Variants in RIMS2 observed in about 807,000 individuals in gnomAD.
RIMS2 encodes the protein regulating synaptic membrane exocytosis protein 2.
RIMS2 carries 59 observed loss-of-function variants against 174.4 expected under a neutral mutation model. That is an observed-to-expected ratio of 0.34 (90% CI 0.27 to 0.42). RIMS2 has a LOEUF of 0.42. RIMS2 is among the 10% of genes least tolerant of loss of function. The probability of loss-of-function intolerance (pLI) is 1.00; values close to 1 mark genes in which losing one functional copy is unlikely to be tolerated. For missense variants in RIMS2, 1,620 were observed against 1,666.3 expected (o/e 0.97, Z 0.48); for synonymous variants, 606 against 572.5 (o/e 1.06, Z -0.84).
At chr8:103,644,354 A>C (rs1349794773) in intron 1 of RIMS2, among the ~76,000 whole-genome samples, 1 of 151,404 alleles carries the variant, frequency 6.6e-6, no homozygotes, top group Non-Finnish European at 1.5e-5. Flanking sequence ...TGACGCTAAC[A>C]AGAGTTGTTG....
chr8:103,622,623 C>T lies in RIMS2; in HGVS notation c.177-74463C>T, dbSNP rs541185550. On this transcript the variant is annotated intron_variant, in intron 1 of 23. Coordinates refer to ENST00000504942, the Ensembl canonical transcript of RIMS2. ...ATCTCATACATACAGATGCACATTC[C>T]GTTTTCAAAGTCCTCAAGAAAAGGG... is the stretch of plus-strand genomic sequence containing the variant. Among the ~76,000 whole-genome samples, 61 of 152,254 alleles carry T rather than the reference C, an allele frequency of 4.0e-4. No individual in the cohort carries two copies. In the South Asian group the frequency reaches 0.012, roughly 30 times the overall value.
At chr8:103,729,620 A>C (rs1340024815) in intron 2 of RIMS2, among the ~76,000 whole-genome samples, 1 of 151,166 alleles carries the variant, frequency 6.6e-6, no homozygotes, top group African/African-American at 2.4e-5. Flanking sequence ...TTGGTTTTCT[A>C]GTTCTTTAAG....
chr8:103,983,202 C>A (rs1297876178), intron 16 of RIMS2, among the ~76,000 whole-genome samples: 1 of 152,132 alleles, frequency 6.6e-6, no homozygotes, highest in East Asian at 1.9e-4. Context: ...AATGAAAGAT[C>A]TCTACAATGA....
At chr8:104,169,685 C>T (rs1205984425) in intron 19 of RIMS2, among the ~76,000 whole-genome samples, 1 of 151,772 alleles carries the variant, frequency 6.6e-6, no homozygotes, top group Non-Finnish European at 1.5e-5. Flanking sequence ...TAGGTCTGCT[C>T]TGATGTTTGT....
chr8:103,832,085 T>G (rs2098829209), intron 3 of RIMS2, among the ~76,000 whole-genome samples: 1 of 152,210 alleles, frequency 6.6e-6, no homozygotes, highest in Non-Finnish European at 1.5e-5. Context: ...GATATTAATA[T>G]AACCATGTGT....
intron 3 of RIMS2, among the ~76,000 whole-genome samples, chr8:103,786,445 C>T (rs202038005): frequency 4.0e-5 from 6 of 151,740 alleles, no homozygotes; most frequent in African/African-American, 7.3e-5. Flanking sequence ...GCTTTGAATG[C>T]GTCCCAGAGA....
intron 3 of RIMS2, among the ~76,000 whole-genome samples, chr8:103,835,003 T>C (rs943335742): frequency 9.2e-5 from 14 of 152,056 alleles, no homozygotes; most frequent in African/African-American, 3.4e-4. Flanking sequence ...ACTCCTGGAC[T>C]CAAGCGATCT....
chr8:103,652,755 A>ATT, intron 1 of RIMS2, 45 bp downstream of exon 3: 2 of 1,115,210 alleles, frequency 1.8e-6, no homozygotes, highest in Non-Finnish European at 2.4e-6. Context: ...CTCTGATAGT[A>ATT]TAACATACTG....
intron 19 of RIMS2, among the ~76,000 whole-genome samples, chr8:104,190,635 G>T (rs2098992640): frequency 6.6e-6 from 1 of 152,084 alleles, no homozygotes; most frequent in Admixed American, 6.6e-5. Context: ...GTACTGAAAA[G>T]TGAGTGAGGC....
intron 1 of RIMS2, among the ~76,000 whole-genome samples, chr8:103,549,975 A>G (rs1488138797): frequency 1.3e-5 from 2 of 152,206 alleles, no homozygotes. Context: ...AGAGACCTAC[A>G]AAGAGACTTA....
intron 19 of RIMS2, among the ~76,000 whole-genome samples, chr8:104,037,709 A>G (rs1164829409): frequency 6.6e-6 from 1 of 152,128 alleles, no homozygotes; most frequent in African/African-American, 2.4e-5. Context: ...AGTTTGCACA[A>G]AATTTTACAT....
At chr8:103,720,408 G>A (rs990658892) in intron 2 of RIMS2, among the ~76,000 whole-genome samples, 1 of 152,146 alleles carries the variant, frequency 6.6e-6, no homozygotes, top group Admixed American at 6.5e-5. Flanking sequence ...TCTGGGCAAT[G>A]GCTGTGTGGA....
At chr8:104,218,012 T>C (rs1469925508) in intron 19 of RIMS2, among the ~76,000 whole-genome samples, 2 of 152,222 alleles carry the variant, frequency 1.3e-5, no homozygotes, top group Non-Finnish European at 2.9e-5. Flanking sequence ...CACTTGTATG[T>C]GAGGAATTAA....
chr8:103,727,778 G>A (rs7826713), intron 2 of RIMS2, among the ~76,000 whole-genome samples: 2 of 151,946 alleles, frequency 1.3e-5, no homozygotes, highest in African/African-American at 4.8e-5. Context: ...GGGTTCTGTA[G>A]TGTGATCCAT....
chr8:103,684,218 C>A (rs2096912256), intron 1 of RIMS2, among the ~76,000 whole-genome samples: 1 of 152,126 alleles, frequency 6.6e-6, no homozygotes, highest in African/African-American at 2.4e-5. Flanking sequence ...GCCCATCACT[C>A]TACTCCAGCC....
chr8:103,575,196 C>G (rs923852985), intron 1 of RIMS2, among the ~76,000 whole-genome samples: 2 of 152,110 alleles, frequency 1.3e-5, no homozygotes, highest in South Asian at 4.1e-4. Flanking sequence ...GGAAAGTGCT[C>G]AACTTCATTA....
chr8:104,092,376 T>C (rs1287185113), intron 19 of RIMS2, among the ~76,000 whole-genome samples: 2 of 151,842 alleles, frequency 1.3e-5, no homozygotes, highest in East Asian at 3.8e-4. Context: ...ATTAACTAGA[T>C]AATAATGTTT....
At chr8:104,132,721 A>G (rs1332662929) in intron 19 of RIMS2, among the ~76,000 whole-genome samples, 2 of 152,232 alleles carry the variant, frequency 1.3e-5, no homozygotes, top group African/African-American at 4.8e-5. Context: ...GACAGTTTTT[A>G]CAGGTCTGAA....
chr8:103,615,758 A>G (rs1461378396), intron 1 of RIMS2, among the ~76,000 whole-genome samples: 6 of 152,240 alleles, frequency 3.9e-5, no homozygotes, highest in Non-Finnish European at 7.3e-5. Context: ...ATGCACACGA[A>G]CTAGAACGCT....
Sources: gnomAD v4.1 joint callset for allele counts (sites outside exome capture counted in the v4.1 genomes callset) on GRCh38, gnomAD v4.1.1 for gene constraint, MANE v1.5 for transcripts, NCBI Gene and HGNC (gene_info 2026-07-23, HGNC 2026-07-21) for gene names.